MYRIP: variants seen among roughly 807,000 people sequenced by gnomAD.
MYRIP encodes the protein myosin VIIA and Rab interacting protein.
MYRIP carries 49 observed loss-of-function variants against 98.0 expected under a neutral mutation model. The ratio of observed to expected loss-of-function variants is 0.50; its 90% CI spans 0.40 to 0.63. MYRIP has a LOEUF of 0.63. MYRIP is among the 30% of genes least tolerant of loss of function. MYRIP has a pLI of 0.00. For synonymous variants in MYRIP, 404 were observed against 409.5 expected, an observed-to-expected ratio of 0.99 and a Z score of 0.16; for missense variants, 1,004 against 1,058.2, an observed-to-expected ratio of 0.95 and a Z score of 0.71.
chr3:40,255,996 A>C (rs1342009509), intron 16 of MYRIP, among the ~76,000 whole-genome samples: 1 of 152,226 alleles, frequency 6.6e-6, no homozygotes, highest in Non-Finnish European at 1.5e-5. Context: ...GTGCTGTCTA[A>C]TAGAACTTTG....
intron 2 of MYRIP, among the ~76,000 whole-genome samples, chr3:40,011,832 C>G (rs1412386006): frequency 6.6e-6 from 1 of 152,150 alleles, no homozygotes; most frequent in African/African-American, 2.4e-5. Flanking sequence ...AGCTCAAAAG[C>G]TACAGCCTCA....
intron 2 of MYRIP, among the ~76,000 whole-genome samples, chr3:39,921,881 CAAAAAAA>C (rs34179419): frequency 1.3e-5 from 1 of 75,906 alleles, no homozygotes; most frequent in Admixed American, 1.4e-4. Context: ...GACTCCGTCT[CAAAAAAA>C]AAAAAAAAAA....
chr3:40,241,049 G>T (rs967067390), intron 12 of MYRIP, among the ~76,000 whole-genome samples: 7 of 152,178 alleles, frequency 4.6e-5, no homozygotes, highest in Non-Finnish European at 8.8e-5. Flanking sequence ...GACAAAGAAG[G>T]ATAGAAAATG....
chr3:39,975,688 T>C (rs1313506581), intron 2 of MYRIP, among the ~76,000 whole-genome samples: 4 of 152,100 alleles, frequency 2.6e-5, no homozygotes, highest in Non-Finnish European at 5.9e-5. Flanking sequence ...ATGGTACTGG[T>C]ACCAAAACAA....
chr3:40,046,070 G>A (rs1474585758), intron 3 of MYRIP, among the ~76,000 whole-genome samples: 1 of 152,134 alleles, frequency 6.6e-6, no homozygotes, highest in East Asian at 1.9e-4. Flanking sequence ...ATGTCTAGAA[G>A]AAGAAGTTAA....
chr3:39,902,764 G>A (rs1161270477), intron 2 of MYRIP, among the ~76,000 whole-genome samples: 4 of 152,180 alleles, frequency 2.6e-5, no homozygotes, highest in African/African-American at 7.2e-5. Flanking sequence ...CTCCATTGCA[G>A]AGTCAGGTGC....
In MYRIP at chr3:39,848,558, C is replaced by A. The variant is rs565183021; in HGVS notation, c.-31+38642C>A. Among the ~76,000 whole-genome samples the A allele has an allele frequency of 4.0e-4, 61 of 152,324 alleles. No individual in the cohort carries two copies. In the South Asian group the frequency reaches 5.2e-3, roughly 13 times the overall value. On this transcript the variant is annotated intron_variant, in intron 1 of 16. Transcript: ENST00000302541. ...ACTGATTATTGTTCATACATAGTCA[C>A]ATGACACTGCTAAGAATATCTGCAT...
chr3:40,162,607 T>C (rs1434973402), intron 4 of MYRIP, 123 bp from the exon 5 acceptor site: 3 of 776,710 alleles, frequency 3.9e-6, no homozygotes, highest in East Asian at 2.5e-5. Flanking sequence ...CTAAACCTAT[T>C]TGCAAGGCTA....
At chr3:40,023,038 T>G (rs1014612804) in intron 2 of MYRIP, among the ~76,000 whole-genome samples, 1 of 151,988 alleles carries the variant, frequency 6.6e-6, no homozygotes, top group Non-Finnish European at 1.5e-5. Context: ...ATGACACACA[T>G]ATGGATTACA....
At chr3:39,916,055 C>T (rs1157645680) in intron 2 of MYRIP, among the ~76,000 whole-genome samples, 2 of 151,898 alleles carry the variant, frequency 1.3e-5, no homozygotes, top group East Asian at 1.9e-4. Flanking sequence ...GGGGTTCTGT[C>T]CTACCATGAT....
chr3:39,827,970 A>G (rs1941323510), intron 1 of MYRIP, among the ~76,000 whole-genome samples: 1 of 151,664 alleles, frequency 6.6e-6, no homozygotes, highest in South Asian at 2.1e-4. Context: ...GTCTCATGGG[A>G]TTCCCTTATA....
chr3:40,125,603 A>G (rs947190600), intron 3 of MYRIP, among the ~76,000 whole-genome samples: 7 of 152,192 alleles, frequency 4.6e-5, no homozygotes, highest in African/African-American at 1.7e-4. Flanking sequence ...GTTGACACTC[A>G]GTATTAACCA....
chr3:39,899,435 A>G (rs1276186674), intron 1 of MYRIP, among the ~76,000 whole-genome samples: 1 of 151,626 alleles, frequency 6.6e-6, no homozygotes, highest in African/African-American at 2.4e-5. Context: ...ATTTTTTGCT[A>G]TTTTGAATGT....
intron 2 of MYRIP, among the ~76,000 whole-genome samples, chr3:39,987,549 T>C (rs1946061845): frequency 6.6e-6 from 1 of 152,320 alleles, no homozygotes; most frequent in Admixed American, 6.5e-5. Context: ...TCAAATGGTA[T>C]GTCTGGTTCT....
intron 4 of MYRIP, among the ~76,000 whole-genome samples, chr3:40,152,868 A>G (rs935817359): frequency 6.6e-6 from 1 of 151,894 alleles, no homozygotes; most frequent in African/African-American, 2.4e-5. Context: ...TGGAATCCCA[A>G]TACTTTGGGA....
At chr3:39,984,093 T>A (rs1945964399) in intron 2 of MYRIP, among the ~76,000 whole-genome samples, 1 of 152,160 alleles carries the variant, frequency 6.6e-6, no homozygotes, top group Admixed American at 6.5e-5. Context: ...ATCTGGGGAC[T>A]GGGTTTATAA....
chr3:39,851,753 A>C (rs1343607131), intron 1 of MYRIP, among the ~76,000 whole-genome samples: 1 of 152,172 alleles, frequency 6.6e-6, no homozygotes, highest in Non-Finnish European at 1.5e-5. Flanking sequence ...TGTTTTGCCT[A>C]AGACAGCATG....
chr3:40,178,868 TGC>T (rs149907076), intron 8 of MYRIP, among the ~76,000 whole-genome samples: 1,751 of 152,276 alleles, frequency 0.011, 34 homozygotes, highest in African/African-American at 0.039. Flanking sequence ...AGTTCATCAA[TGC>T]AAGGGATTGC....
At chr3:39,864,316 G>A (rs1225526232) in intron 1 of MYRIP, among the ~76,000 whole-genome samples, 1 of 151,690 alleles carries the variant, frequency 6.6e-6, no homozygotes, top group Non-Finnish European at 1.5e-5. Context: ...TTGGACAAGA[G>A]GAAAAAAAAT....
Sources: gnomAD v4.1 joint callset for allele counts (sites outside exome capture counted in the v4.1 genomes callset) on GRCh38, gnomAD v4.1.1 for gene constraint, MANE v1.5 for transcripts, NCBI Gene and HGNC (gene_info 2026-07-23, HGNC 2026-07-21) for gene names.